The following TTLL11 variants were observed in gnomAD, a reference collection of about 807,000 sequenced individuals.
TTLL11 encodes tubulin tyrosine ligase like 11, also known as tubulin polyglutamylase TTLL11.
Under a neutral mutation model 51.7 loss-of-function variants are expected in TTLL11, and 42 were observed. That is an observed-to-expected ratio of 0.81 (90% confidence interval 0.64 to 1.05). TTLL11 has a LOEUF of 1.05. Among genes scored for constraint, TTLL11 ranks in the 50% least tolerant of loss-of-function variants. The pLI, the probability that TTLL11 is intolerant of heterozygous loss-of-function variation, is 0.00. For missense variants in TTLL11, 799 were observed against 940.4 expected (o/e 0.85, Z 1.97); for synonymous variants, 381 against 383.5 (o/e 0.99, Z 0.08).
chr9:122,078,982 T>C (rs1045999146), intron 1 of TTLL11, among the ~76,000 whole-genome samples: 2 of 152,214 alleles, frequency 1.3e-5, no homozygotes, highest in East Asian at 3.8e-4. Flanking sequence ...CATACTACCT[T>C]ATGGTGGACA....
intron 6 of TTLL11, among the ~76,000 whole-genome samples, chr9:121,970,893 T>C (rs540135917): frequency 3.3e-5 from 5 of 152,358 alleles, no homozygotes; most frequent in South Asian, 2.1e-4. Context: ...TAAAGACACA[T>C]GCACACGTAT....
intron 8 of TTLL11, among the ~76,000 whole-genome samples, chr9:121,833,049 G>A (rs1424038370): frequency 1.3e-5 from 2 of 152,078 alleles, no homozygotes; most frequent in African/African-American, 4.8e-5. Flanking sequence ...GCCTTGCAGC[G>A]AATGAGGGAT....
In TTLL11 at chr9:121,820,067, G is replaced by A. The variant is rs1335200233; in HGVS notation, c.*2520C>T. ...TCGGGGCCTTGTCTGCAGAGGAGGG[G>A]GCTGCTCCCGGGACAGAGGGGCCAT... On this transcript the variant is annotated 3_prime_UTR_variant, in exon 9 of 9. Coordinates refer to ENST00000321582, the MANE Select transcript of TTLL11 (RefSeq NM_001139442.2). Among the ~76,000 whole-genome samples, 10 of 152,216 alleles carry A rather than the reference G, an allele frequency of 6.6e-5. No homozygotes were observed. The highest frequency in any genetic ancestry group is 2.4e-4 in the African/African-American group (10 of 41,460).
intron 4 of TTLL11, among the ~76,000 whole-genome samples, chr9:121,977,510 G>A (rs1842737447): frequency 6.6e-6 from 1 of 152,152 alleles, no homozygotes; most frequent in South Asian, 2.1e-4. Context: ...TTGTAGTCAA[G>A]AGGGGCTCAT....
chr9:121,971,872 T>C (rs964138879), intron 6 of TTLL11, among the ~76,000 whole-genome samples: 6 of 151,108 alleles, frequency 4.0e-5, no homozygotes, highest in African/African-American at 1.5e-4. Context: ...CTTAGCAAAC[T>C]AACACAAAAA....
intron 6 of TTLL11, among the ~76,000 whole-genome samples, chr9:121,881,550 T>A (rs1433305241): frequency 6.6e-6 from 1 of 152,226 alleles, no homozygotes; most frequent in Non-Finnish European, 1.5e-5. Flanking sequence ...TCTCGCCACT[T>A]ACCTGCGCTG....
intron 1 of TTLL11, among the ~76,000 whole-genome samples, chr9:122,084,006 T>C (rs1385073495): frequency 6.6e-6 from 1 of 152,198 alleles, no homozygotes; most frequent in Non-Finnish European, 1.5e-5. Context: ...AACGAAGTTA[T>C]TTATACATAA....
chr9:122,066,270 T>C (rs1237646414), intron 1 of TTLL11, among the ~76,000 whole-genome samples: 1 of 152,102 alleles, frequency 6.6e-6, no homozygotes. Flanking sequence ...TAGGTCATCT[T>C]AGTGATAATA....
chr9:122,081,233 A>T (rs952478358), intron 1 of TTLL11, among the ~76,000 whole-genome samples: 1 of 152,316 alleles, frequency 6.6e-6, no homozygotes, highest in East Asian at 1.9e-4. Context: ...GAGGAGCAAT[A>T]CGGTCCACTA....
At chr9:121,976,208 C>T (rs1241366263) in intron 4 of TTLL11, among the ~76,000 whole-genome samples, 4 of 152,228 alleles carry the variant, frequency 2.6e-5, no homozygotes, top group Non-Finnish European at 5.9e-5. Context: ...ACACCGTCTG[C>T]TTCACGCCTG....
chr9:121,971,981 G>A (rs946313370), intron 6 of TTLL11, among the ~76,000 whole-genome samples: 14 of 151,996 alleles, frequency 9.2e-5, no homozygotes, highest in African/African-American at 3.4e-4. Context: ...GGGGCCTGTC[G>A]GTGGGTGGGG....
intron 4 of TTLL11, among the ~76,000 whole-genome samples, chr9:121,983,774 G>A (rs1243452884): frequency 1.3e-5 from 2 of 152,160 alleles, no homozygotes; most frequent in Non-Finnish European, 2.9e-5. Context: ...ACAAGGGACT[G>A]GAGTTCTCAT....
At chr9:121,925,877 G>A (rs1374408026) in intron 6 of TTLL11, among the ~76,000 whole-genome samples, 1 of 152,140 alleles carries the variant, frequency 6.6e-6, no homozygotes, top group Admixed American at 6.5e-5. Context: ...TGAGAGCCTG[G>A]CATCCAGGCC....
intron 1 of TTLL11, among the ~76,000 whole-genome samples, chr9:122,041,119 C>G (rs756849998): frequency 6.6e-6 from 1 of 152,142 alleles, no homozygotes; most frequent in African/African-American, 2.4e-5. Flanking sequence ...AATTGCCCCC[C>G]CTTTTAGAGG....
Position 121,890,947 on chromosome 9 carries a change from C to T in TTLL11, c.1482-20199G>A, listed in dbSNP as rs147532827. ...CAGCCACATTGCCCTGCCCACTAAG[C>T]CCTCCTGCTGTCTGATAGACAAAGA... On this transcript the variant is annotated intron_variant, in intron 6 of 8. Coordinates refer to ENST00000321582, the MANE Select transcript of TTLL11 (RefSeq NM_001139442.2). The surrounding 1 kb of genome is among the most constrained non-coding windows in gnomAD (Gnocchi z 4.3). Among the ~76,000 whole-genome samples, 140 of 152,344 alleles carry T rather than the reference C, an allele frequency of 9.2e-4. No individual in the cohort carries two copies. Among genetic ancestry groups the T allele is most frequent in the Non-Finnish European group, 1.6e-3 (111 of 68,026 alleles).
intron 2 of TTLL11, among the ~76,000 whole-genome samples, chr9:122,033,297 G>C (rs1003342590): frequency 2.6e-5 from 4 of 152,054 alleles, no homozygotes; most frequent in Admixed American, 6.6e-5. Context: ...ATTTTTAGTA[G>C]AGAAGGGGTT....
At chr9:122,070,351 G>A (rs1845696600) in intron 1 of TTLL11, among the ~76,000 whole-genome samples, 1 of 152,192 alleles carries the variant, frequency 6.6e-6, no homozygotes, top group Admixed American at 6.5e-5. Context: ...GCACAACAGG[G>A]GGTGGGGGCA....
rs138419784 is a variant in TTLL11, at chr9:121,858,822, T to C, written c.1840+1515A>G. Among the ~76,000 whole-genome samples the C allele has an allele frequency of 1.4e-3, 214 of 152,368 alleles. 1 individual carries two copies. The highest frequency in any genetic ancestry group is 4.9e-3 in the African/African-American group (202 of 41,582). On this transcript the variant is annotated intron_variant, in intron 8 of 8. Transcript: ENST00000321582. ...GGAGATAAGGAGGTGGAATGACTTT[T>C]CAAGCTGACATGGGCAGGAAATGGC...
intron 6 of TTLL11, among the ~76,000 whole-genome samples, chr9:121,920,308 AT>A (rs1160678256): frequency 6.6e-6 from 1 of 151,826 alleles, no homozygotes. Flanking sequence ...TTTAAAAAAA[AT>A]TTTTTTTTAT....
Sources: gnomAD v4.1 joint callset for allele counts (sites outside exome capture counted in the v4.1 genomes callset) on GRCh38, gnomAD v4.1.1 for gene constraint, Gnocchi (gnomAD v3.1) non-coding constraint, MANE v1.5 for transcripts, NCBI Gene and HGNC (gene_info 2026-07-23, HGNC 2026-07-21) for gene names.